SNX8: variants seen among roughly 807,000 people sequenced by gnomAD.
The protein encoded by SNX8 is sorting nexin 8.
A neutral mutation model predicts 51.6 loss-of-function variants in SNX8; 25 were observed. The ratio of observed to expected loss-of-function variants is 0.48; its 90% CI spans 0.35 to 0.68. The LOEUF (loss-of-function observed/expected upper bound fraction) is 0.68. Among genes scored for constraint, SNX8 ranks in the 30% least tolerant of loss-of-function variants. The pLI is 0.00. For missense variants in SNX8, 695 were observed against 624.0 expected, an observed-to-expected ratio of 1.11 and a Z score of -1.21; for synonymous variants, 324 against 277.0, an observed-to-expected ratio of 1.17 and a Z score of -1.68.
chr7:2,313,387 G>C lies in SNX8; in HGVS notation c.94+941C>G, dbSNP rs1295382518. The stretch of plus-strand genomic sequence containing the variant: ...CTAAAAATACAAAATTTAGCCGAGT[G>C]TCATGGTGGATGCCTGTAATCCCAG... On this transcript the variant is annotated intron_variant, in intron 1 of 10. Coordinates refer to ENST00000222990, the MANE Select transcript of SNX8 (RefSeq NM_013321.4). Among the ~76,000 whole-genome samples the C allele has an allele frequency of 2.6e-5, 4 of 151,864 alleles. No individual in the cohort carries two copies. The East Asian group carries it at 7.9e-4, about 30-fold the overall frequency.
intron 1 of SNX8, among the ~76,000 whole-genome samples, chr7:2,301,554 C>T (rs888695553): frequency 5.3e-5 from 8 of 152,198 alleles, no homozygotes; most frequent in African/African-American, 1.9e-4. Flanking sequence ...GTGTTGCACT[C>T]ATATTTATAC....
chr7:2,316,678 G>T (rs1381597159), upstream of SNX8, among the ~76,000 whole-genome samples: 1 of 97,914 alleles, frequency 1.0e-5, no homozygotes, highest in South Asian at 3.3e-4. Context: ...CCCACTCACT[G>T]AGTCACTGCA....
chr7:2,301,744 G>T (rs1281864810), intron 1 of SNX8, among the ~76,000 whole-genome samples: 4 of 152,120 alleles, frequency 2.6e-5, no homozygotes, highest in Non-Finnish European at 5.9e-5. Context: ...ATTCTGCCCT[G>T]GACCTATTTC....
chr7:2,278,072 C>T (rs566563296), intron 2 of SNX8, 28 bp downstream of exon 2: 1 of 1,606,480 alleles, frequency 6.2e-7, no homozygotes, highest in African/African-American at 1.3e-5. Context: ...CCCCTCCTGC[C>T]CCGACACACA....
intron 7 of SNX8, among the ~76,000 whole-genome samples, chr7:2,260,707 A>G (rs1476439791): frequency 2.0e-5 from 3 of 152,158 alleles, no homozygotes; most frequent in African/African-American, 7.2e-5. Flanking sequence ...TGCTGCATCA[A>G]ATGAAAGGCC....
intron 1 of SNX8, among the ~76,000 whole-genome samples, chr7:2,312,323 C>A (rs967338890): frequency 1.3e-5 from 2 of 152,148 alleles, no homozygotes; most frequent in African/African-American, 4.8e-5. Context: ...GTCCCCTACA[C>A]CTGCAGAGGA....
chr7:2,347,594 T>C (rs912812306), intron 1 of SNX8, among the ~76,000 whole-genome samples: 5 of 149,830 alleles, frequency 3.3e-5, no homozygotes, highest in Non-Finnish European at 1.5e-5. Context: ...GTTCAGATGA[T>C]TTGGGGCCAC....
In SNX8 at chr7:2,254,142, A is replaced by C. The variant is rs1209768168; in HGVS notation, c.*914T>G. 6.6e-6 allele frequency: 1 copy of C among 152,396 alleles called. No homozygotes were observed. The highest frequency in any genetic ancestry group is 6.5e-5 in the Admixed American group (1 of 15,276). The allele number at this position is 152,396 out of a possible 1,614,324, so 9.4% of individuals were successfully genotyped here. On this transcript the variant is annotated 3_prime_UTR_variant, in exon 11 of 11. Transcript: ENST00000222990. ...GCTGGGCCGGCAAGTGCGTGACGGG[A>C]GGCTGGGAGGAGGGCTCTAGGTGCC... is the stretch of plus-strand genomic sequence containing the variant.
At position 2,268,256 on chromosome 7, in the gene SNX8, G is replaced by A. The variant is rs535896607; in HGVS notation, c.621+1303C>T. On this transcript the variant is annotated intron_variant, in intron 5 of 10. Transcript: ENST00000222990. ...AGACCCCGTCTGGGAGGTGAGGAGC[G>A]TCTCTGCCCGGCCGCCCCGTCTGAG... 6.0e-3 allele frequency among the ~76,000 whole-genome samples: 858 copies of A among 143,104 alleles called. 33 individuals carry two copies. The highest frequency in any genetic ancestry group is 0.022 in the African/African-American group (813 of 37,106). 93.9% of individuals were successfully genotyped at this position (143,104 alleles called of 152,430 possible).
At chr7:2,324,401 C>G (rs1778591636) in intron 1 of SNX8, among the ~76,000 whole-genome samples, 1 of 151,468 alleles carries the variant, frequency 6.6e-6, no homozygotes, top group African/African-American at 2.4e-5. Flanking sequence ...AACAATTCTC[C>G]TGCCTCAGCC....
chr7:2,348,021 T>C (rs1779065502), intron 1 of SNX8, among the ~76,000 whole-genome samples: 1 of 152,246 alleles, frequency 6.6e-6, no homozygotes, highest in East Asian at 1.9e-4. Context: ...CCGGTTTATG[T>C]AGAACATCCT....
upstream of SNX8, among the ~76,000 whole-genome samples, chr7:2,314,659 C>T (rs1796726047): frequency 6.6e-6 from 1 of 152,148 alleles, no homozygotes; most frequent in Non-Finnish European, 1.5e-5. Context: ...CTGCTGGTGG[C>T]GCAGGTTACC....
At chr7:2,309,695 C>T (rs1796622068) in intron 1 of SNX8, 1 of 432,274 alleles carries the variant, frequency 2.3e-6, no homozygotes, top group Non-Finnish European at 4.8e-6. Flanking sequence ...CGCGCCATCG[C>T]ACTCCAGCCT....
At chr7:2,269,965 C>A (rs1353290495) in intron 4 of SNX8, among the ~76,000 whole-genome samples, 1 of 152,142 alleles carries the variant, frequency 6.6e-6, no homozygotes. Flanking sequence ...TGCAGAGAAA[C>A]GGCCCCTCCA....
intron 1 of SNX8, among the ~76,000 whole-genome samples, chr7:2,304,333 A>G (rs186378662): frequency 0.06 from 9,056 of 151,848 alleles, 482 homozygotes; most frequent in South Asian, 0.12. Flanking sequence ...TCACGAGGTC[A>G]GGAGATAGAG....
chr7:2,275,833 C>T (rs996916803), intron 2 of SNX8, among the ~76,000 whole-genome samples: 3 of 151,354 alleles, frequency 2.0e-5, no homozygotes, highest in Non-Finnish European at 2.9e-5. Flanking sequence ...CTCGTCTCTA[C>T]TAAAAACACA....
chr7:2,349,889 C>G (rs1583131660), intron 1 of SNX8, among the ~76,000 whole-genome samples: 1 of 152,150 alleles, frequency 6.6e-6, no homozygotes, highest in Non-Finnish European at 1.5e-5. Flanking sequence ...CAAACCCACC[C>G]AGGCTGGCCC....
At chr7:2,340,516 T>A (rs1778901329) in intron 1 of SNX8, among the ~76,000 whole-genome samples, 1 of 151,950 alleles carries the variant, frequency 6.6e-6, no homozygotes, top group African/African-American at 2.4e-5. Context: ...CACTCTATAT[T>A]TTTACAGGTT....
intron 1 of SNX8, among the ~76,000 whole-genome samples, chr7:2,349,852 C>T (rs966772010): frequency 2.0e-5 from 3 of 152,168 alleles, no homozygotes; most frequent in Non-Finnish European, 4.4e-5. Context: ...CCTGCCTCAG[C>T]CTCCTGTGAC....
Sources: allele counts gnomAD v4.1 joint callset (sites outside exome capture counted in the v4.1 genomes callset), GRCh38; gene constraint gnomAD v4.1.1; transcripts MANE v1.5; gene names NCBI Gene and HGNC (gene_info 2026-07-23, HGNC 2026-07-21).